Variants in TTN observed in about 807,000 individuals in gnomAD.
The protein encoded by TTN is titin.
TTN carries 1,525 observed loss-of-function variants against 3,223.0 expected under a neutral mutation model. That is an observed-to-expected ratio of 0.47 (90% CI 0.45 to 0.49). TTN has a LOEUF of 0.49. TTN is among the 20% of genes least tolerant of loss of function. TTN has a pLI of 0.00. For synonymous variants in TTN, 14,094 were observed against 15,161.0 expected, an observed-to-expected ratio of 0.93 and a Z score of 5.17; for missense variants, 40,786 against 43,424.0, an observed-to-expected ratio of 0.94 and a Z score of 5.40.
At position 178,527,122 on chromosome 2, in the gene TTN, G is replaced by A; in HGVS notation, c.107866C>T (p.Leu35956=). 6.2e-7 allele frequency: 1 copy of A among 1,613,936 alleles called. No individual in the cohort carries two copies. The highest frequency in any genetic ancestry group is 8.5e-7 in the Non-Finnish European group (1 of 1,179,880). The change falls in exon 363 of 363, where the codon CTG becomes TTG. Residue 35956 remains leucine (L), a synonymous_variant. Transcript: ENST00000589042. ...TGTTTCTGTACGTCCATGATGATCA[G>A]GGTTGTCAGGTCATCTGTGTTTTCA... ...HIENTDDLTT[L]IIMDVQKQDG...
In TTN at chr2:178,629,430, A is replaced by AC; in HGVS notation, c.44294dup (p.Leu14766SerfsTer43). ...TGACATCCTTTAAAGGCCTCAGAAG[A>AC]CCAATTACTCGTGCTTTTCGAGAGG... On this transcript the variant is annotated frameshift_variant, in exon 240 of 363. Transcript: ENST00000589042. LOFTEE classifies it high-confidence loss of function. 3 of 1,612,910 alleles carry AC rather than the reference A, an allele frequency of 1.9e-6. No homozygotes were observed. Among genetic ancestry groups the AC allele is most frequent in the Non-Finnish European group, 2.5e-6 (3 of 1,179,256 alleles).
In TTN at chr2:178,721,657, G is replaced by A. The variant is rs539232972; in HGVS notation, c.22816+190C>T. On this transcript the variant is annotated intron_variant, in intron 78 of 362. Transcript: ENST00000589042. The stretch of plus-strand genomic sequence containing the variant: ...ACTTTTTGATAAGATTACACTTAGA[G>A]TTACACTAATGTAAAGAACAATATA... Among the ~76,000 whole-genome samples the A allele has an allele frequency of 3.6e-3, 548 of 152,212 alleles. 2 individuals carry two copies. The highest frequency in any genetic ancestry group is 5.6e-3 in the Non-Finnish European group (380 of 67,980).
Position 178,575,561 on chromosome 2 carries a change from G to T in TTN, c.70571C>A (p.Thr23524Lys), listed in dbSNP as rs748544908. ...EYGIGEPTET[T>K]EPVKASEAPS... The stretch of plus-strand genomic sequence containing the variant: ...TGCTTCAGAGGCTTTTACGGGCTCT[G>T]TAGTTTCTGTTGGCTCACCAATTCC... The change falls in exon 326 of 363, where the codon ACA (threonine) becomes AAA (lysine). Residue 23524 changes from threonine to lysine, a missense_variant. Physicochemically the swap from Thr to Lys is moderately conservative, Grantham distance 78. Coordinates refer to ENST00000589042, the MANE Select transcript of TTN (RefSeq NM_001267550.2). This position sits in a 1 kb window ranked among gnomAD's most constrained non-coding sequence, Gnocchi z 4.0. 1 of 1,613,634 alleles carries T rather than the reference G, an allele frequency of 6.2e-7. No homozygotes were observed. Among genetic ancestry groups the T allele is most frequent in the South Asian group, 1.1e-5 (1 of 91,060 alleles).
intron 265 of TTN, 74 bp from the exon 266 acceptor site, chr2:178,612,650 T>A: frequency 1.3e-6 from 2 of 1,544,238 alleles, no homozygotes; most frequent in Non-Finnish European, 1.7e-6. Flanking sequence ...GTGCAGGCAG[T>A]CATTAAGAAG....
chr2:178,542,422 G>A lies in TTN; in HGVS notation c.97334C>T (p.Pro32445Leu), dbSNP rs1330389316. ...TGATTCAGAAACGGGCAGCCATCCT[G>A]GACGATGAGCGTCACGTTGTTCTAC... is the stretch of plus-strand genomic sequence containing the variant. ...YVVEQRDAHRPGWLPVSESVT... is the reference protein window; with the variant it reads ...YVVEQRDAHRLGWLPVSESVT... The change falls in exon 349 of 363, where the codon CCA becomes CTA. Residue 32445 changes from proline to leucine, a missense_variant. Pro to Leu is a moderately conservative substitution (Grantham distance 98). Transcript: ENST00000589042. 6.2e-7 allele frequency: 1 copy of A among 1,613,658 alleles called. No individual in the cohort carries two copies. The highest frequency in any genetic ancestry group is 2.2e-5 in the East Asian group (1 of 44,824).
Position 178,538,974 on chromosome 2 carries a change from A to T in TTN, c.98961T>A (p.Ser32987=). The change falls in exon 353 of 363, where the codon TCT becomes TCA. Residue 32987 remains serine, a synonymous_variant. Coordinates refer to ENST00000589042, the MANE Select transcript of TTN (RefSeq NM_001267550.2). ...ATGGATCTTTGCAAACAACTGGTTC[A>T]GAAGCAGGGCTGGTCTCACTCAGGC... ...DVGLSETSPA[S]EPVVCKDPFD... is the part of the protein sequence containing the mutation. 1 of 1,610,386 alleles carries T rather than the reference A, an allele frequency of 6.2e-7. No individual in the cohort carries two copies. The highest frequency in any genetic ancestry group is 8.5e-7 in the Non-Finnish European group (1 of 1,176,926).
In TTN at chr2:178,633,335, A is replaced by T. The variant is rs2060034672; in HGVS notation, c.42947-9T>A. The T allele has an allele frequency of 6.2e-7, 1 of 1,612,974 alleles. No individual in the cohort carries two copies. Among genetic ancestry groups the T allele is most frequent in the South Asian group, 1.1e-5 (1 of 90,870 alleles). ...CACTTTTATTAGTCGAGCTGAAATG[A>T]TACAGTTTTGTTAGCATGACTGAAC... On this transcript the variant is annotated splice_polypyrimidine_tract_variant and intron_variant, in intron 232 of 362. Coordinates refer to ENST00000589042, the MANE Select transcript of TTN (RefSeq NM_001267550.2).
In TTN at chr2:178,612,307, C is replaced by T. The variant is rs771586396; in HGVS notation, c.50218G>A (p.Glu16740Lys). 1.9e-6 allele frequency: 3 copies of T among 1,612,590 alleles called. No homozygotes were observed. The highest frequency in any genetic ancestry group is 1.1e-5 in the South Asian group (1 of 91,016). ...GTGTCTTTGGCCAGCACAGAGTCCT[C>T]AATTTCGGTGTAGTCGCTTTGTCCT... ...AIGQSDYTEI[E>K]DSVLAKDTFT... Residue 16740 changes from glutamate to lysine, a missense_variant, in exon 266 of 363, where the codon GAG (glutamate) becomes AAG (lysine). Coordinates refer to ENST00000589042, the MANE Select transcript of TTN (RefSeq NM_001267550.2).
chr2:178,622,130 G>T, intron 243 of TTN, 122 bp from the exon 244 acceptor site: 1 of 898,950 alleles, frequency 1.1e-6, no homozygotes, highest in Non-Finnish European at 1.6e-6. Context: ...GTGTGAAGAA[G>T]AACCAAGGTG....
chr2:178,537,606 G>C lies in TTN; in HGVS notation c.99601C>G (p.Pro33201Ala). ...QATPQFHPGY[P>A]LKEKYYGAVG... ...GCTCCATAATATTTCTCTTTCAGTGGGTAACCAGGATGGAACTGCGGTGTT... is the reference window on the plus strand; with the variant it reads ...GCTCCATAATATTTCTCTTTCAGTGCGTAACCAGGATGGAACTGCGGTGTT... The change falls in exon 355 of 363, where the codon CCA (proline) becomes GCA (alanine). Residue 33201 changes from proline (P) to alanine (A), a missense_variant. Physicochemically the swap from Pro to Ala is conservative, Grantham distance 27. Coordinates refer to ENST00000589042, the MANE Select transcript of TTN (RefSeq NM_001267550.2). 1.2e-6 allele frequency: 2 copies of C among 1,613,616 alleles called. No individual in the cohort carries two copies. The highest frequency in any genetic ancestry group is 1.7e-6 in the Non-Finnish European group (2 of 1,179,666).
At chr2:178,733,196 G>T (rs771756603) in intron 54 of TTN, 43 bp downstream of exon 54, 2 of 1,556,138 alleles carry the variant, frequency 1.3e-6, no homozygotes, top group African/African-American at 2.7e-5. Context: ...CCATTTGTTG[G>T]GTTTCAAATG....
rs771191366 is a variant in TTN, at chr2:178,576,815, A to T, written c.69429T>A (p.Pro23143=). ...TGACATTTGATACCTCTGGTTTTTC[A>T]GGAGGGCCAGGGGGACCTGAAAAGG... is the stretch of plus-strand genomic sequence containing the variant. ...MVDRFGPPGP[P]EKPEVSNVTK... Residue 23143 remains proline (P), a synonymous_variant, in exon 325 of 363, where the codon CCT becomes CCA. Coordinates refer to ENST00000589042, the MANE Select transcript of TTN (RefSeq NM_001267550.2). This position sits in a 1 kb window ranked among gnomAD's most constrained non-coding sequence, Gnocchi z 4.3. 1 of 1,612,560 alleles carries T rather than the reference A, an allele frequency of 6.2e-7. No homozygotes were observed. Among genetic ancestry groups the T allele is most frequent in the Non-Finnish European group, 8.5e-7 (1 of 1,179,450 alleles).
intron 346 of TTN, 46 bp from the exon 347 acceptor site, chr2:178,543,708 C>CTTTTT: frequency 6.6e-7 from 1 of 1,504,704 alleles, no homozygotes; most frequent in Non-Finnish European, 8.9e-7. Flanking sequence ...TGCCTGATAG[C>CTTTTT]TTTTTTTTTC....
chr2:178,582,801 G>T, intron 313 of TTN, 139 bp downstream of exon 313: 1 of 934,770 alleles, frequency 1.1e-6, no homozygotes, highest in Non-Finnish European at 1.5e-6. Context: ...CTAAAACGTG[G>T]TTCTGTCATA....
At chr2:178,744,903 C>G in intron 47 of TTN, 1 of 984,964 alleles carries the variant, frequency 1.0e-6, no homozygotes. Context: ...TGAACCCTGC[C>G]CACAAAGAGC....
Position 178,731,579 on chromosome 2 carries a change from G to A in TTN, c.17187C>T (p.Pro5729=). 1.3e-6 allele frequency: 2 copies of A among 1,591,882 alleles called. No homozygotes were observed. Among genetic ancestry groups the A allele is most frequent in the Non-Finnish European group, 8.6e-7 (1 of 1,168,690 alleles). ...TCTCGATCTTCTTTATGAAGGATGG[G>A]GGTTCTAACAGAAGAATGAATTCTC... ...ICSARVTLRE[P]PSFIKKIEST... is the part of the protein sequence containing the mutation. The change falls in exon 59 of 363, where the codon CCC becomes CCT. Residue 5729 remains proline, a synonymous_variant. Transcript: ENST00000589042.
rs183499397 is a variant in TTN, at chr2:178,715,042, C to A, written c.26144G>T (p.Cys8715Phe). Residue 8715 changes from cysteine (C) to phenylalanine (F), a missense_variant, in exon 90 of 363, where the codon TGT (cysteine) becomes TTT (phenylalanine). By Grantham distance (205) the Cys-to-Phe change is radical. Transcript: ENST00000589042. ...VDAADIGEYQ[C>F]KATNDVGSDT... The stretch of plus-strand genomic sequence containing the variant: ...GCTTCCCACATCATTTGTGGCTTTA[C>A]ACTGATATTCCCCAATGTCTGCAGC... 34 of 1,613,414 alleles carry A rather than the reference C, an allele frequency of 2.1e-5. 1 individual carries two copies. The South Asian group carries it at 3.5e-4, about 17-fold the overall frequency.
Position 178,711,051 on chromosome 2 carries a change from A to G in TTN, c.28174+11T>C, listed in dbSNP as rs2076582483. The G allele has an allele frequency of 6.4e-7, 1 of 1,559,866 alleles. No individual in the cohort carries two copies. The highest frequency in any genetic ancestry group is 1.4e-5 in the African/African-American group (1 of 72,400). On this transcript the variant is annotated intron_variant, in intron 97 of 362. Transcript: ENST00000589042. ...TTAATTCTAGAAATGAAAGTTTAAG[A>G]ATCCACAAACCTGTGAGAATGAGCC...
Position 178,540,227 on chromosome 2 carries a change from A to G in TTN, c.97939T>C (p.Trp32647Arg). ...IEMQKVDQHE[W>R]TKCNTTPTKI... ...GTTGGAGTGGTGTTACACTTGGTCC[A>G]TTCATGTTGATCTACTTTTTGCATT... is the stretch of plus-strand genomic sequence containing the variant. The change falls in exon 351 of 363, where the codon TGG becomes CGG. Residue 32647 changes from tryptophan (W) to arginine (R), a missense_variant. Transcript: ENST00000589042. 1.2e-6 allele frequency: 2 copies of G among 1,613,754 alleles called. No homozygotes were observed. Among genetic ancestry groups the G allele is most frequent in the African/African-American group, 1.3e-5 (1 of 74,996 alleles).
Sources: gnomAD v4.1 joint callset for allele counts (sites outside exome capture counted in the v4.1 genomes callset) on GRCh38, gnomAD v4.1.1 for gene constraint, Gnocchi (gnomAD v3.1) non-coding constraint, MANE v1.5 for transcripts, NCBI Gene and HGNC (gene_info 2026-07-23, HGNC 2026-07-21) for gene names.